The following KIF26B variants were observed in gnomAD, a reference collection of about 807,000 sequenced individuals.
KIF26B encodes kinesin-like protein KIF26B.
In KIF26B, 63 loss-of-function variants were observed where a neutral mutation model predicts 151.2. That is an observed-to-expected ratio of 0.42 (90% CI 0.34 to 0.51). KIF26B has a LOEUF of 0.51. KIF26B is among the 20% of genes least tolerant of loss of function. KIF26B has a pLI of 0.07. For synonymous variants in KIF26B, 1,357 were observed against 1,262.1 expected, an observed-to-expected ratio of 1.08 and a Z score of -1.59; for missense variants, 2,813 against 2,913.6, an observed-to-expected ratio of 0.97 and a Z score of 0.79.
intron 4 of KIF26B, among the ~76,000 whole-genome samples, chr1:245,506,319 T>C (rs1457233654): frequency 6.6e-6 from 1 of 152,198 alleles, no homozygotes; most frequent in African/African-American, 2.4e-5. Context: ...AAACTTTTTA[T>C]TTTACTTTAC....
At chr1:245,401,653 G>A (rs1346728928) in intron 3 of KIF26B, among the ~76,000 whole-genome samples, 1 of 152,210 alleles carries the variant, frequency 6.6e-6, no homozygotes, top group East Asian at 1.9e-4. Flanking sequence ...CGGATTGCTT[G>A]AGGTCAGGAG....
intron 2 of KIF26B, among the ~76,000 whole-genome samples, chr1:245,233,968 G>A (rs1055524140): frequency 1.3e-5 from 2 of 152,050 alleles, no homozygotes; most frequent in Non-Finnish European, 2.9e-5. Context: ...GATCACCTGA[G>A]GTCAGGAGTT....
intron 2 of KIF26B, among the ~76,000 whole-genome samples, chr1:245,198,571 A>C (rs1364239223): frequency 1.3e-5 from 2 of 151,994 alleles, no homozygotes; most frequent in Non-Finnish European, 2.9e-5. Context: ...AAACTACAAA[A>C]ATTAGCTGGG....
chr1:245,619,758 C>T (rs2103161880), intron 9 of KIF26B, among the ~76,000 whole-genome samples: 1 of 151,536 alleles, frequency 6.6e-6, no homozygotes, highest in Non-Finnish European at 1.5e-5. Flanking sequence ...ACTAAAAATA[C>T]AAAAATTAGC....
At chr1:245,670,250 ATATATATAT>A in intron 10 of KIF26B, among the ~76,000 whole-genome samples, 2 of 16,728 alleles carry the variant, frequency 1.2e-4, no homozygotes, top group African/African-American at 1.4e-3. Flanking sequence ...ATATCCATAT[ATATATATAT>A]ATATATATAT....
rs755276437 is a variant in KIF26B at position 245,698,185 on chromosome 1, C to T, written c.5904C>T (p.Gly1968=). 38 of 1,613,912 alleles carry T rather than the reference C, an allele frequency of 2.4e-5. No homozygotes were observed. The highest frequency in any genetic ancestry group is 1.6e-4 in the African/African-American group (12 of 74,942). ...TGAGAAAACCCCCCAACAGCACAGG[C>T]GTCCGCTGGGTGGATGGCCCCTTGC... The part of the protein sequence containing the change: ...SPVRKPPNST[G]VRWVDGPLRS... The change falls in exon 13 of 15, where the codon GGC becomes GGT. Residue 1968 remains glycine, a synonymous_variant. Coordinates refer to ENST00000407071, the MANE Select transcript of KIF26B (RefSeq NM_018012.4). This position sits in a 1 kb window ranked among gnomAD's most constrained non-coding sequence, Gnocchi z 4.0.
chr1:245,241,373 C>T lies in KIF26B; in HGVS notation c.465+84690C>T, dbSNP rs959921689. ...GCTGGATCGGCTTCTCCAGAGCCTG[C>T]TGGCTGGAGGTTGGCTGTCCGTGGT... is the stretch of plus-strand genomic sequence containing the variant. On this transcript the variant is annotated intron_variant, in intron 2 of 14. Transcript: ENST00000407071. This position sits in a 1 kb window ranked among gnomAD's most constrained non-coding sequence, Gnocchi z 5.0. Among the ~76,000 whole-genome samples, 2 of 152,156 alleles carry T rather than the reference C, an allele frequency of 1.3e-5. No homozygotes were observed. The highest frequency in any genetic ancestry group is 4.8e-5 in the African/African-American group (2 of 41,424).
intron 2 of KIF26B, among the ~76,000 whole-genome samples, chr1:245,189,069 G>A (rs1343561837): frequency 6.6e-6 from 1 of 152,182 alleles, no homozygotes; most frequent in African/African-American, 2.4e-5. Flanking sequence ...GAGAGTTATT[G>A]TTTAACATAC....
intron 2 of KIF26B, among the ~76,000 whole-genome samples, chr1:245,265,870 A>G (rs1030195757): frequency 6.6e-6 from 1 of 152,170 alleles, no homozygotes; most frequent in Admixed American, 6.5e-5. Flanking sequence ...AGTCTCCCAA[A>G]GTGCTAGGAT....
chr1:245,471,911 C>A (rs2103064186), intron 4 of KIF26B, among the ~76,000 whole-genome samples: 1 of 152,206 alleles, frequency 6.6e-6, no homozygotes. Context: ...CCTGCCTCAG[C>A]CTCCCGAGTA....
Position 245,602,694 on chromosome 1 carries a change from G to A in KIF26B, c.1468G>A (p.Gly490Arg). The change falls in exon 6 of 15, where the codon GGA becomes AGA. Residue 490 changes from glycine (G) to arginine (R), a missense_variant. Physicochemically the swap from Gly to Arg is moderately radical, Grantham distance 125 (BLOSUM62 -2). Coordinates refer to ENST00000407071, the MANE Select transcript of KIF26B (RefSeq NM_018012.4). The surrounding 1 kb of genome is among the most constrained non-coding windows in gnomAD (Gnocchi z 4.5). ...QITLYDPLTC[G>R]GQNAFQKRGN... ...CACCTTGTACGATCCCCTGACTTGT[G>A]GAGGTCAAAATGCCTTCCAAAAGAG... 6.2e-7 allele frequency: 1 copy of A among 1,614,034 alleles called. No individual in the cohort carries two copies. The highest frequency in any genetic ancestry group is 1.1e-5 in the South Asian group (1 of 91,080).
At chr1:245,529,213 GGCAGCGGGGTACTGA>G (rs1379027035) in intron 4 of KIF26B, among the ~76,000 whole-genome samples, 1 of 152,126 alleles carries the variant, frequency 6.6e-6, no homozygotes, top group East Asian at 1.9e-4. Flanking sequence ...GAGACTGTGG[GGCAGCGGGGTACTGA>G]GCAGCTGCTG....
intron 9 of KIF26B, among the ~76,000 whole-genome samples, chr1:245,645,408 A>G (rs1287820599): frequency 2.6e-5 from 4 of 152,182 alleles, no homozygotes; most frequent in Admixed American, 2.6e-4. Flanking sequence ...CTGTCTTGTA[A>G]ATTGTTGCCA....
chr1:245,211,606 C>T (rs1463748937), intron 2 of KIF26B, among the ~76,000 whole-genome samples: 1 of 152,168 alleles, frequency 6.6e-6, no homozygotes, highest in East Asian at 1.9e-4. Flanking sequence ...CTGTGTTGCC[C>T]AGGCTGGTCC....
At chr1:245,399,479 C>T (rs945214372) in intron 3 of KIF26B, among the ~76,000 whole-genome samples, 1 of 152,208 alleles carries the variant, frequency 6.6e-6, no homozygotes, top group African/African-American at 2.4e-5. Flanking sequence ...TCAAATTCCG[C>T]TGTTGTCAAT....
intron 2 of KIF26B, among the ~76,000 whole-genome samples, chr1:245,294,663 T>C (rs1325269351): frequency 2.0e-5 from 3 of 152,100 alleles, no homozygotes; most frequent in Admixed American, 2.0e-4. Flanking sequence ...TTATTATTAT[T>C]ACTTTTTTTT....
intron 10 of KIF26B, among the ~76,000 whole-genome samples, chr1:245,663,276 C>A (rs1243117092): frequency 2.5e-5 from 2 of 79,760 alleles, no homozygotes; most frequent in African/African-American, 4.4e-5. Flanking sequence ...TATCAGAAAC[C>A]CATTTTTTTT....
intron 2 of KIF26B, among the ~76,000 whole-genome samples, chr1:245,217,895 G>A (rs1027597947): frequency 6.6e-6 from 1 of 152,042 alleles, no homozygotes; most frequent in Non-Finnish European, 1.5e-5. Flanking sequence ...CCAACCTGCC[G>A]GTTAGGTTTT....
intron 4 of KIF26B, among the ~76,000 whole-genome samples, chr1:245,434,788 T>C (rs1658864011): frequency 6.6e-6 from 1 of 152,158 alleles, no homozygotes; most frequent in African/African-American, 2.4e-5. Flanking sequence ...GCCCCAGTTG[T>C]CTGTGTCCAT....
Sources: gnomAD v4.1 joint callset for allele counts (sites outside exome capture counted in the v4.1 genomes callset) on GRCh38, gnomAD v4.1.1 for gene constraint, Gnocchi (gnomAD v3.1) non-coding constraint, MANE v1.5 for transcripts, NCBI Gene and HGNC (gene_info 2026-07-23, HGNC 2026-07-21) for gene names.